Variants in NDUFAF2 observed in about 807,000 individuals in gnomAD.
The protein encoded by NDUFAF2 is NADH:ubiquinone oxidoreductase complex assembly factor 2.
A neutral mutation model predicts 22.8 loss-of-function variants in NDUFAF2; 13 were observed. The ratio of observed to expected loss-of-function variants is 0.57; its 90% CI spans 0.37 to 0.91. The LOEUF (loss-of-function observed/expected upper bound fraction) is 0.91, where lower values mean the gene tolerates loss of function less well. NDUFAF2 is among the 40% of genes least tolerant of loss of function. The pLI is 0.01. For missense variants in NDUFAF2, 162 were observed against 195.2 expected, an observed-to-expected ratio of 0.83 and a Z score of 1.01; for synonymous variants, 53 against 64.2, an observed-to-expected ratio of 0.83 and a Z score of 0.84.
chr5:60,988,306 G>T (rs137981386), intron 1 of NDUFAF2, among the ~76,000 whole-genome samples: 1 of 152,018 alleles, frequency 6.6e-6, no homozygotes, highest in African/African-American at 2.4e-5. Flanking sequence ...AAAACATTTC[G>T]TGTTCACTGA....
At chr5:61,095,314 A>G (rs1435218364) in intron 2 of NDUFAF2, among the ~76,000 whole-genome samples, 1 of 152,218 alleles carries the variant, frequency 6.6e-6, no homozygotes, top group Non-Finnish European at 1.5e-5. Flanking sequence ...TGGACTCTCC[A>G]AAGTTCACAG....
chr5:61,099,605 T>C (rs1379510757), intron 3 of NDUFAF2, among the ~76,000 whole-genome samples: 1 of 151,538 alleles, frequency 6.6e-6, no homozygotes, highest in African/African-American at 2.4e-5. Context: ...AGAAATGCTA[T>C]GGTATATATG....
intron 1 of NDUFAF2, among the ~76,000 whole-genome samples, chr5:61,013,864 A>G (rs1751472825): frequency 1.3e-5 from 2 of 152,180 alleles, no homozygotes; most frequent in South Asian, 4.1e-4. Context: ...GGTCATGTGC[A>G]AAGCACCTTT....
chr5:61,064,198 C>G (rs978002090), intron 1 of NDUFAF2, among the ~76,000 whole-genome samples: 1 of 151,982 alleles, frequency 6.6e-6, no homozygotes, highest in South Asian at 2.1e-4. Flanking sequence ...AGGACATAAC[C>G]ATTGTAAATC....
intron 1 of NDUFAF2, among the ~76,000 whole-genome samples, chr5:61,024,737 C>T (rs1370094703): frequency 1.3e-5 from 2 of 151,962 alleles, no homozygotes; most frequent in East Asian, 3.9e-4. Context: ...ATTATTATAC[C>T]TCTGCTTAAA....
intron 3 of NDUFAF2, among the ~76,000 whole-genome samples, chr5:61,131,686 A>G (rs912694352): frequency 3.3e-5 from 5 of 152,170 alleles, no homozygotes; most frequent in African/African-American, 1.2e-4. Flanking sequence ...GACACAAAAA[A>G]GATGTCTGAA....
chr5:61,079,678 G>T (rs1409388715), intron 2 of NDUFAF2, among the ~76,000 whole-genome samples: 1 of 152,166 alleles, frequency 6.6e-6, no homozygotes, highest in Non-Finnish European at 1.5e-5. Context: ...GTTGTTTGTA[G>T]GTTTTTCTCA....
intron 1 of NDUFAF2, among the ~76,000 whole-genome samples, chr5:61,027,242 A>T (rs1751661906): frequency 6.6e-6 from 1 of 151,462 alleles, no homozygotes; most frequent in African/African-American, 2.4e-5. Context: ...AAACTATTGT[A>T]ATTGGAAAAG....
At chr5:61,141,216 A>G (rs1741050924) in intron 3 of NDUFAF2, among the ~76,000 whole-genome samples, 5 of 134,678 alleles carry the variant, frequency 3.7e-5, no homozygotes. Flanking sequence ...AAAAACAGCG[A>G]AACTCCGTCT....
chr5:60,952,216 G>A (rs975220883), intron 1 of NDUFAF2, among the ~76,000 whole-genome samples: 2 of 151,432 alleles, frequency 1.3e-5, no homozygotes, highest in South Asian at 2.1e-4. Context: ...AGAACTTATC[G>A]CTTTCTCTTA....
chr5:61,025,463 CAT>C (rs1751638539), intron 1 of NDUFAF2, among the ~76,000 whole-genome samples: 1 of 151,946 alleles, frequency 6.6e-6, no homozygotes, highest in African/African-American at 2.4e-5. Flanking sequence ...CTTTTTTAAA[CAT>C]ATAACATTTT....
At chr5:61,069,712 A>T (rs1752272336) in intron 1 of NDUFAF2, among the ~76,000 whole-genome samples, 1 of 152,114 alleles carries the variant, frequency 6.6e-6, no homozygotes, top group African/African-American at 2.4e-5. Flanking sequence ...AGTACATGTG[A>T]AACCTGTCTT....
At chr5:61,046,775 T>C (rs1312022172) in intron 1 of NDUFAF2, among the ~76,000 whole-genome samples, 1 of 152,164 alleles carries the variant, frequency 6.6e-6, no homozygotes, top group Non-Finnish European at 1.5e-5. Context: ...TGCATACTTA[T>C]GCTATTCTTT....
rs1416671111 is a variant in NDUFAF2 at position 60,950,646 on chromosome 5, T to G, written c.127+5264T>G. Among the ~76,000 whole-genome samples, 3 of 151,958 alleles carry G rather than the reference T, an allele frequency of 2.0e-5. No homozygotes were observed. The East Asian group carries it at 5.8e-4, about 29-fold the overall frequency. ...GTCACATGCTTGCTTGCTGGGTTTT[T>G]TTTTTTTTTTTGGTTCTGTTGGAAT... On this transcript the variant is annotated intron_variant, in intron 1 of 3. Coordinates refer to ENST00000296597, the MANE Select transcript of NDUFAF2 (RefSeq NM_174889.5).
intron 1 of NDUFAF2, among the ~76,000 whole-genome samples, chr5:61,011,603 C>G (rs1365227818): frequency 6.6e-6 from 1 of 152,096 alleles, no homozygotes; most frequent in Admixed American, 6.6e-5. Flanking sequence ...TCAGTGGTTT[C>G]CTTTTTCATT....
intron 1 of NDUFAF2, among the ~76,000 whole-genome samples, chr5:61,062,338 A>G (rs1297279134): frequency 1.3e-5 from 2 of 152,174 alleles, no homozygotes; most frequent in Non-Finnish European, 2.9e-5. Context: ...GATCTGAATG[A>G]GAAATTCAAT....
intron 1 of NDUFAF2, among the ~76,000 whole-genome samples, chr5:61,027,111 TA>T (rs1481903540): frequency 1.3e-5 from 2 of 151,822 alleles, no homozygotes; most frequent in Non-Finnish European, 2.9e-5. Flanking sequence ...AGAAAACATG[TA>T]AATTAAATTA....
At chr5:61,079,489 C>A (rs1435121536) in intron 2 of NDUFAF2, among the ~76,000 whole-genome samples, 1 of 152,184 alleles carries the variant, frequency 6.6e-6, no homozygotes, top group Non-Finnish European at 1.5e-5. Context: ...CTATCTATCT[C>A]TAATGCTCTA....
intron 1 of NDUFAF2, among the ~76,000 whole-genome samples, chr5:61,066,949 G>A (rs973154312): frequency 1.3e-5 from 2 of 152,042 alleles, no homozygotes; most frequent in Non-Finnish European, 2.9e-5. Context: ...GTTGGGAGAA[G>A]TAGGGAGATG....
Sources: gnomAD v4.1 joint callset for allele counts (sites outside exome capture counted in the v4.1 genomes callset) on GRCh38, gnomAD v4.1.1 for gene constraint, MANE v1.5 for transcripts, NCBI Gene and HGNC (gene_info 2026-07-23, HGNC 2026-07-21) for gene names.